The following ROS1 variants were observed in gnomAD, a reference collection of about 807,000 sequenced individuals.
The protein encoded by ROS1 is proto-oncogene tyrosine-protein kinase ROS.
ROS1 carries 263 observed loss-of-function variants against 273.5 expected under a neutral mutation model. The observed-to-expected ratio is 0.96, with a 90% CI of 0.87 to 1.06. ROS1 has a LOEUF of 1.06. Ranked by LOEUF, ROS1 falls within the 50% of genes least tolerant of loss-of-function variation. The probability of loss-of-function intolerance (pLI) is 0.00; values close to 1 mark genes in which losing one functional copy is unlikely to be tolerated. For missense variants in ROS1, 2,833 were observed against 2,751.1 expected, an observed-to-expected ratio of 1.03 and a Z score of -0.67; for synonymous variants, 1,008 against 954.1, an observed-to-expected ratio of 1.06 and a Z score of -1.04.
At chr6:117,364,919 C>T in intron 21 of ROS1, 141 bp downstream of exon 21, 1 of 720,416 alleles carries the variant, frequency 1.4e-6, no homozygotes, top group Non-Finnish European at 2.3e-6. Flanking sequence ...ATTCTAATCT[C>T]CAAAAAGTCA....
At chr6:117,356,525 T>G in intron 26 of ROS1, 104 bp downstream of exon 26, 3 of 1,048,658 alleles carry the variant, frequency 2.9e-6, no homozygotes, top group Non-Finnish European at 4.1e-6. Context: ...AGAGCAAATA[T>G]CATGTGTATA....
At chr6:117,414,624 T>C (rs1478926311) in intron 3 of ROS1, 79 bp from the exon 4 acceptor site, 16 of 632,908 alleles carry the variant, frequency 2.5e-5, no homozygotes, top group Non-Finnish European at 4.1e-5. Flanking sequence ...GTACAATCAT[T>C]TCAAATTAAT....
At chr6:117,325,209 T>C (rs958628854) in intron 34 of ROS1, among the ~76,000 whole-genome samples, 1 of 152,146 alleles carries the variant, frequency 6.6e-6, no homozygotes, top group Non-Finnish European at 1.5e-5. Context: ...CAATAATTCA[T>C]TTGACTAAGG....
At chr6:117,414,720 G>A (rs1284311876) in intron 3 of ROS1, among the ~76,000 whole-genome samples, 175 bp from the exon 4 acceptor site, 1 of 152,150 alleles carries the variant, frequency 6.6e-6, no homozygotes, top group African/African-American at 2.4e-5. Flanking sequence ...GCAGGACACT[G>A]TATAAGCAGC....
chr6:117,322,427 T>G (rs1282295268), intron 35 of ROS1, among the ~76,000 whole-genome samples: 4 of 152,148 alleles, frequency 2.6e-5, no homozygotes, highest in African/African-American at 9.7e-5. Context: ...TCTTACTTAT[T>G]TCATCTATTT....
At position 117,359,717 on chromosome 6, in the gene ROS1, C is replaced by A. The variant is rs533536024; in HGVS notation, c.3633+92G>T. 32 of 1,015,946 alleles carry A rather than the reference C, an allele frequency of 3.1e-5. No individual in the cohort carries two copies. In the African/African-American group the frequency reaches 4.8e-4, roughly 15 times the overall value. 62.9% of individuals were successfully genotyped at this position (1,015,946 alleles called of 1,614,324 possible). ...GTCCTTTTCATTCTAATCTTAATGA[C>A]TAAACCGTTTTCCAGTCATTTTAAC... On this transcript the variant is annotated intron_variant, in intron 24 of 43. Coordinates refer to ENST00000368507, the MANE Select transcript of ROS1 (RefSeq NM_001378902.1).
chr6:117,331,622 C>T (rs759957382), intron 32 of ROS1, among the ~76,000 whole-genome samples: 1 of 152,164 alleles, frequency 6.6e-6, no homozygotes, highest in African/African-American at 2.4e-5. Context: ...AAGGGACGCC[C>T]ATCAGACTAA....
At chr6:117,296,532 A>G (rs141491417) in intron 43 of ROS1, among the ~76,000 whole-genome samples, 3,189 of 152,302 alleles carry the variant, frequency 0.021, 114 homozygotes, top group African/African-American at 0.073. Flanking sequence ...TCATTATGTT[A>G]AGTGAAATAA....
chr6:117,298,178 C>CA (rs34666966), intron 43 of ROS1, among the ~76,000 whole-genome samples: 29 of 151,932 alleles, frequency 1.9e-4, no homozygotes, highest in African/African-American at 7.0e-4. Context: ...TACACATAGA[C>CA]TAGAGTATGA....
At chr6:117,307,827 C>G (rs1775224095) in intron 42 of ROS1, among the ~76,000 whole-genome samples, 3 of 152,134 alleles carry the variant, frequency 2.0e-5, no homozygotes, top group South Asian at 4.1e-4. Context: ...ACAGCATAGT[C>G]AAGGCAGTAC....
chr6:117,367,981 T>C (rs761030550), intron 18 of ROS1, among the ~76,000 whole-genome samples: 45 of 152,358 alleles, frequency 3.0e-4, no homozygotes, highest in Non-Finnish European at 5.3e-4. Context: ...TCATCTGATT[T>C]ACCTGCCATT....
rs768790336 is a variant in ROS1 at position 117,389,431 on chromosome 6, G to C, written c.1705C>G (p.Arg569Gly). 6.2e-7 allele frequency: 1 copy of C among 1,614,142 alleles called. No individual in the cohort carries two copies. The highest frequency in any genetic ancestry group is 8.5e-7 in the Non-Finnish European group (1 of 1,180,042). The change falls in exon 13 of 44, where the codon CGC becomes GGC. Residue 569 changes from arginine to glycine, a missense_variant. Physicochemically the swap from Arg to Gly is moderately radical, Grantham distance 125. Coordinates refer to ENST00000368507, the MANE Select transcript of ROS1 (RefSeq NM_001378902.1). Reference protein sequence around the residue: ...SSSQLHPLPGRPQELSVLFGS... With the variant: ...SSSQLHPLPGGPQELSVLFGS... Reference sequence around the variant, plus strand: ...AACAGCACCGAAAGCTCCTGCGGGCGGCCTGGCAGAGGGTGCAGCTGGGAG... The same window carrying C: ...AACAGCACCGAAAGCTCCTGCGGGCCGCCTGGCAGAGGGTGCAGCTGGGAG...
intron 18 of ROS1, among the ~76,000 whole-genome samples, chr6:117,370,544 T>TA (rs992682265): frequency 4.7e-4 from 72 of 152,264 alleles, no homozygotes; most frequent in African/African-American, 1.7e-3. Flanking sequence ...ACTTCTCCCT[T>TA]AAAAACTATT....
chr6:117,311,049 G>T lies in ROS1; in HGVS notation c.6186C>A (p.Val2062=). The T allele has an allele frequency of 6.2e-7, 1 of 1,611,000 alleles. No individual in the cohort carries two copies. Among genetic ancestry groups the T allele is most frequent in the Admixed American group, 1.7e-5 (1 of 59,670 alleles). The change falls in exon 40 of 44, where the codon GTC becomes GTA. Residue 2062 remains valine (V), a synonymous_variant. Coordinates refer to ENST00000368507, the MANE Select transcript of ROS1 (RefSeq NM_001378902.1). ...GAATGAAATGCATCCGTTCCAAGTA[G>T]ACACAGCCTTTTGAAATATCTACAC... ...DLCVDISKGC[V]YLERMHFIHR... is the part of the protein sequence containing the mutation.
At chr6:117,308,328 T>C (rs1021543976) in intron 42 of ROS1, among the ~76,000 whole-genome samples, 1 of 152,158 alleles carries the variant, frequency 6.6e-6, no homozygotes, top group Non-Finnish European at 1.5e-5. Context: ...TTAGTAATAC[T>C]ATTTCTTATT....
chr6:117,354,244 T>G (rs1003347016), intron 26 of ROS1, among the ~76,000 whole-genome samples: 2 of 152,018 alleles, frequency 1.3e-5, no homozygotes, highest in African/African-American at 2.4e-5. Context: ...TCCCAGCTAC[T>G]TGGGAGACTG....
At chr6:117,404,474 A>T in intron 5 of ROS1, 46 bp from the exon 6 acceptor site, 2 of 1,571,672 alleles carry the variant, frequency 1.3e-6, no homozygotes, top group Non-Finnish European at 1.7e-6. Context: ...CCTGTCCATC[A>T]GCGCAAGAGA....
At chr6:117,344,543 T>C (rs1305160757) in intron 27 of ROS1, among the ~76,000 whole-genome samples, 3 of 152,208 alleles carry the variant, frequency 2.0e-5, no homozygotes, top group Non-Finnish European at 4.4e-5. Flanking sequence ...TCTGATATTG[T>C]TCAGGGCAGT....
intron 2 of ROS1, among the ~76,000 whole-genome samples, chr6:117,417,488 T>A (rs1168592783): frequency 1.4e-5 from 2 of 146,036 alleles, no homozygotes; most frequent in African/African-American, 5.6e-5. Context: ...GTTCCCACAT[T>A]TGGAGTGATC....
Sources: allele counts gnomAD v4.1 joint callset (sites outside exome capture counted in the v4.1 genomes callset), GRCh38; gene constraint gnomAD v4.1.1; transcripts MANE v1.5; gene names NCBI Gene and HGNC (gene_info 2026-07-23, HGNC 2026-07-21).